RGS2: variants seen among roughly 807,000 people sequenced by gnomAD.
RGS2 encodes regulator of G protein signaling 2.
Under a neutral mutation model 26.6 loss-of-function variants are expected in RGS2, and 20 were observed. That is an observed-to-expected ratio of 0.75 (90% CI 0.53 to 1.09). RGS2 has a LOEUF of 1.09. Ranked by LOEUF, RGS2 falls within the 50% of genes least tolerant of loss-of-function variation. RGS2 has a pLI of 0.00. For synonymous variants in RGS2, 97 were observed against 79.9 expected, an observed-to-expected ratio of 1.21 and a Z score of -1.14; for missense variants, 246 against 245.5, an observed-to-expected ratio of 1.00 and a Z score of -0.01.
chr1:192,811,653 G>A lies in RGS2; in HGVS notation c.*57G>A. On this transcript the variant is annotated 3_prime_UTR_variant, in exon 5 of 5. Coordinates refer to ENST00000235382, the MANE Select transcript of RGS2 (RefSeq NM_002923.4). ...TTTCATTCTTTTTCCTGAGGGGAAG[G>A]ACTGTGACCTGCCATAAAGACTGAC... 1 of 1,499,130 alleles carries A rather than the reference G, an allele frequency of 6.7e-7. No homozygotes were observed. Among genetic ancestry groups the A allele is most frequent in the South Asian group, 1.1e-5 (1 of 88,532 alleles). The allele number at this position is 1,499,130 out of a possible 1,614,324, so 92.9% of individuals were successfully genotyped here.
rs769405605 is a variant in RGS2 at position 192,811,019 on chromosome 1, T to A, written c.313T>A (p.Phe105Ile). The change falls in exon 4 of 5, where the codon TTC (phenylalanine) becomes ATC (isoleucine). Residue 105 changes from phenylalanine to isoleucine, a missense_variant. By Grantham distance (21) the Phe-to-Ile change is conservative (BLOSUM62 0). Coordinates refer to ENST00000235382, the MANE Select transcript of RGS2 (RefSeq NM_002923.4). ...AAFRAFLKSE[F>I]CEENIEFWLA... ...ATTCAGGGCTTTTTTAAAGTCGGAATTCTGTGAAGAAAATATTGAATTCTG... is the reference window on the plus strand; with the variant it reads ...ATTCAGGGCTTTTTTAAAGTCGGAAATCTGTGAAGAAAATATTGAATTCTG... 15 of 1,614,044 alleles carry A rather than the reference T, an allele frequency of 9.3e-6. No homozygotes were observed. Among genetic ancestry groups the A allele is most frequent in the Admixed American group, 6.7e-5 (4 of 60,006 alleles).
intron 4 of RGS2, 110 bp downstream of exon 4, chr1:192,811,257 G>A (rs776641437): frequency 1.9e-5 from 26 of 1,371,208 alleles, no homozygotes; most frequent in Non-Finnish European, 2.4e-5. Context: ...GTCCCTCCAC[G>A]TTGTAGCTTT....
In RGS2 at chr1:192,810,985, T is replaced by A; in HGVS notation, c.279T>A (p.Gly93=). 6.2e-7 allele frequency: 1 copy of A among 1,614,112 alleles called. No individual in the cohort carries two copies. The highest frequency in any genetic ancestry group is 1.7e-5 in the Admixed American group (1 of 60,032). Residue 93 remains glycine (G), a synonymous_variant, in exon 4 of 5, where the codon GGT becomes GGA. Coordinates refer to ENST00000235382, the MANE Select transcript of RGS2 (RefSeq NM_002923.4). ...AFDELLASKY[G]LAAFRAFLKS... ...TCTCTTTTCTCCCCCCTTCAGATGGTCTTGCTGCATTCAGGGCTTTTTTAA... is the reference window on the plus strand; with the variant it reads ...TCTCTTTTCTCCCCCCTTCAGATGGACTTGCTGCATTCAGGGCTTTTTTAA...
chr1:192,810,028 A>G (rs1044582012), intron 1 of RGS2, 138 bp from the exon 2 acceptor site: 1 of 678,306 alleles, frequency 1.5e-6, no homozygotes, highest in Non-Finnish European at 2.6e-6. Flanking sequence ...GATAAGACTT[A>G]TTTGAAGAGT....
chr1:192,810,774 T>G, intron 3 of RGS2: 1 of 638,274 alleles, frequency 1.6e-6, no homozygotes, highest in South Asian at 1.9e-5. Context: ...AAAGTACTTA[T>G]ATTTTTGCAG....
intron 3 of RGS2, 151 bp from the exon 4 acceptor site, chr1:192,810,830 A>T: frequency 1.1e-6 from 1 of 913,052 alleles, no homozygotes; most frequent in Non-Finnish European, 1.8e-6. Context: ...CTTAGTCTTT[A>T]AAAAGCTAAA....
Position 192,811,102 on chromosome 1 carries a change from A to G in RGS2, c.396A>G (p.Ala132=). 1.2e-6 allele frequency: 2 copies of G among 1,614,182 alleles called. No individual in the cohort carries two copies. The highest frequency in any genetic ancestry group is 1.7e-6 in the Non-Finnish European group (2 of 1,180,024). The change falls in exon 4 of 5, where the codon GCA becomes GCG. Residue 132 remains alanine (A), a synonymous_variant. Coordinates refer to ENST00000235382, the MANE Select transcript of RGS2 (RefSeq NM_002923.4). ...TKSPQKLSSK[A]RKIYTDFIEK... is the part of the protein sequence containing the mutation. ...CACCCCAAAAGCTGTCCTCAAAAGC[A>G]AGGAAAATATATACTGACTTCATAG... is the stretch of plus-strand genomic sequence containing the variant.
chr1:192,811,444 A>G lies in RGS2; in HGVS notation c.484A>G (p.Ile162Val). 2.5e-6 allele frequency: 4 copies of G among 1,614,120 alleles called. No homozygotes were observed. The highest frequency in any genetic ancestry group is 1.1e-5 in the South Asian group (1 of 91,066). Residue 162 changes from isoleucine to valine, a missense_variant, in exon 5 of 5, where the codon ATA becomes GTA. Physicochemically the swap from Ile to Val is conservative, Grantham distance 29. Transcript: ENST00000235382. ...AACCAAAACTCTGATTGCCCAGAAT[A>G]TACAAGAAGCTACAAGTGGCTGCTT... ...FQTKTLIAQN[I>V]QEATSGCFTT...
Position 192,811,150 on chromosome 1 carries a change from A to G in RGS2, c.441+3A>G, listed in dbSNP as rs894549204. 8 of 1,614,030 alleles carry G rather than the reference A, an allele frequency of 5.0e-6. No homozygotes were observed. Among genetic ancestry groups the G allele is most frequent in the Non-Finnish European group, 6.8e-6 (8 of 1,179,860 alleles). On this transcript the variant is annotated splice_donor_region_variant and intron_variant, in intron 4 of 4. Coordinates refer to ENST00000235382, the MANE Select transcript of RGS2 (RefSeq NM_002923.4). Reference sequence around the variant, plus strand: ...TAGAAAAGGAAGCTCCAAAAGAGGTAAGGAAACAAGTTCCTAATTTCAGCA... The same window carrying G: ...TAGAAAAGGAAGCTCCAAAAGAGGTGAGGAAACAAGTTCCTAATTTCAGCA...
chr1:192,809,233 C>A, intron 1 of RGS2, 52 bp downstream of exon 1: 2 of 1,294,740 alleles, frequency 1.5e-6, no homozygotes, highest in Non-Finnish European at 2.3e-6. Flanking sequence ...ACACTGCAAG[C>A]TGCAAACGCG....
At chr1:192,811,222 C>A in intron 4 of RGS2, 75 bp downstream of exon 4, 1 of 1,565,848 alleles carries the variant, frequency 6.4e-7, no homozygotes, top group Non-Finnish European at 8.8e-7. Flanking sequence ...TAATCAAGGA[C>A]AAAGCGGGCT....
chr1:192,810,359 C>T lies in RGS2; in HGVS notation c.213-11C>T, dbSNP rs763847693. ...ATGTGCGTAAGCTAACATACAGAAC[C>T]TCTCTTGCAGGCCTTCTCCTGAGGA... On this transcript the variant is annotated splice_polypyrimidine_tract_variant and intron_variant, in intron 2 of 4. Coordinates refer to ENST00000235382, the MANE Select transcript of RGS2 (RefSeq NM_002923.4). The T allele has an allele frequency of 3.1e-6, 5 of 1,614,002 alleles. No individual in the cohort carries two copies. The East Asian group carries it at 8.9e-5, about 29-fold the overall frequency.
chr1:192,811,811 G>A lies in RGS2; in HGVS notation c.*215G>A, dbSNP rs922707290. 4 of 591,260 alleles carry A rather than the reference G, an allele frequency of 6.8e-6. No homozygotes were observed. The Admixed American group carries it at 1.2e-4, about 17-fold the overall frequency. The allele number at this position is 591,260 out of a possible 1,614,324, so 36.6% of individuals were successfully genotyped here. ...CAGCTTCCCTCACTGTGTACAGAAC[G>A]CAAGAAGGGAATAGGTGGTCTGAAC... On this transcript the variant is annotated 3_prime_UTR_variant, in exon 5 of 5. Coordinates refer to ENST00000235382, the MANE Select transcript of RGS2 (RefSeq NM_002923.4).
intron 1 of RGS2, chr1:192,809,484 G>A: frequency 2.3e-6 from 1 of 426,662 alleles, no homozygotes; most frequent in South Asian, 2.1e-5. Flanking sequence ...CGCGTCCCCA[G>A]CATTCATACG....
intron 1 of RGS2, among the ~76,000 whole-genome samples, chr1:192,809,726 C>T (rs571387036): frequency 1.7e-4 from 26 of 152,018 alleles, no homozygotes; most frequent in Middle Eastern, 3.4e-3. Context: ...CAGTCTCTGG[C>T]GTGGTCCAGA....
chr1:192,810,953 T>A (rs1231690152), intron 3 of RGS2, 28 bp from the exon 4 acceptor site: 2 of 1,594,348 alleles, frequency 1.3e-6, no homozygotes, highest in Non-Finnish European at 1.7e-6. Context: ...CTTCACATTC[T>A]GCATGCTCTC....
At chr1:192,809,422 T>C (rs1393039131) in intron 1 of RGS2, 1 of 526,046 alleles carries the variant, frequency 1.9e-6, no homozygotes, top group African/African-American at 1.9e-5. Context: ...AATTGCGGGT[T>C]GGCTTTTTGT....
At chr1:192,809,990 T>C (rs1665557731) in intron 1 of RGS2, among the ~76,000 whole-genome samples, 176 bp from the exon 2 acceptor site, 1 of 152,228 alleles carries the variant, frequency 6.6e-6, no homozygotes, top group Admixed American at 6.5e-5. Context: ...ACGAAACTGC[T>C]CAGTACATGA....
chr1:192,810,145 C>T (rs1336119693), intron 1 of RGS2, 21 bp from the exon 2 acceptor site: 1 of 1,458,568 alleles, frequency 6.9e-7, no homozygotes, highest in East Asian at 2.3e-5. Flanking sequence ...TAGTAATTAT[C>T]TTTTTAATTT....
Sources: allele counts gnomAD v4.1 joint callset (sites outside exome capture counted in the v4.1 genomes callset), GRCh38; gene constraint gnomAD v4.1.1; transcripts MANE v1.5; gene names NCBI Gene and HGNC (gene_info 2026-07-23, HGNC 2026-07-21).